Variants in IL36RN observed in about 807,000 individuals in gnomAD.
IL36RN encodes interleukin 36 receptor antagonist, also known as interleukin-36 receptor antagonist protein.
In IL36RN, 11 loss-of-function variants were observed where a neutral mutation model predicts 13.0. The ratio of observed to expected loss-of-function variants is 0.85; its 90% confidence interval spans 0.53 to 1.40. The LOEUF is 1.40. Among genes scored for constraint, IL36RN ranks in the 40% most tolerant of loss-of-function variants. The pLI is 0.00. For synonymous variants in IL36RN, 94 were observed against 84.1 expected (o/e 1.12, Z -0.64); for missense variants, 195 against 195.3 (o/e 1.00, Z 0.01).
chr2:113,059,912 G>A (rs1171057876), intron 2 of IL36RN, among the ~76,000 whole-genome samples: 3 of 152,210 alleles, frequency 2.0e-5, no homozygotes, highest in Admixed American at 2.0e-4. Flanking sequence ...TACCAAGCCA[G>A]ACACTCTGCC....
intron 3 of IL36RN, 25 bp downstream of exon 3, chr2:113,060,962 T>C: frequency 6.4e-7 from 1 of 1,563,302 alleles, no homozygotes; most frequent in Non-Finnish European, 8.8e-7. Flanking sequence ...ATGACCCACT[T>C]TCCTTGGTCT....
rs1249854867 is a variant in IL36RN at position 113,063,031 on chromosome 2, C to G, written c.*354C>G. The stretch of plus-strand genomic sequence containing the variant: ...TGTTACCCTGAGCCCCGCAGGCCAA[C>G]CCATCCCCAGTTGAGCCTTATAGGG... On this transcript the variant is annotated 3_prime_UTR_variant, in exon 5 of 5. Coordinates refer to ENST00000393200, the MANE Select transcript of IL36RN (RefSeq NM_012275.3). 5.4e-6 allele frequency: 2 copies of G among 369,690 alleles called. No individual in the cohort carries two copies. The highest frequency in any genetic ancestry group is 1.4e-4 in the East Asian group (2 of 14,552). The allele number at this position is 369,690 out of a possible 1,614,324, so 22.9% of individuals were successfully genotyped here.
intron 3 of IL36RN, among the ~76,000 whole-genome samples, chr2:113,061,797 G>T (rs1398419323): frequency 6.6e-6 from 1 of 152,046 alleles, no homozygotes; most frequent in East Asian, 1.9e-4. Context: ...TTCCAAAGGG[G>T]GGCTTATCAA....
Position 113,061,288 on chromosome 2 carries a change from A to T in IL36RN, c.115+351A>T, listed in dbSNP as rs537828294. Among the ~76,000 whole-genome samples the T allele has an allele frequency of 3.9e-5, 6 of 152,116 alleles. No individual in the cohort carries two copies. The South Asian group carries it at 1.0e-3, about 26-fold the overall frequency. On this transcript the variant is annotated intron_variant, in intron 3 of 4. Transcript: ENST00000393200. ...GTAGATTCTCTATACCTTTTTTCCC[A>T]TATGGGAGTGGGTTTCTGCCTCTCC...
intron 2 of IL36RN, among the ~76,000 whole-genome samples, chr2:113,060,205 T>A (rs1009664606): frequency 2.6e-5 from 4 of 152,174 alleles, no homozygotes; most frequent in Non-Finnish European, 5.9e-5. Context: ...CGACCCAATT[T>A]TTACACTGCA....
In IL36RN at chr2:113,064,316, C is replaced by T. The variant is rs1394881458; in HGVS notation, c.*1639C>T. 1 of 152,194 alleles carries T rather than the reference C, an allele frequency of 6.6e-6. No homozygotes were observed. The allele number at this position is 152,194 out of a possible 1,614,324, so 9.4% of individuals were successfully genotyped here. A position where few individuals can be genotyped will look rare whatever the true frequency, so the allele number is the denominator to read the frequency against. ...CACCAAGGATAATTGGTTACAGCAG[C>T]TCTAGGAAACTAATACAGCTGCTAA... is the stretch of plus-strand genomic sequence containing the variant. On this transcript the variant is annotated 3_prime_UTR_variant, in exon 5 of 5. Transcript: ENST00000393200.
rs910808463 is a variant in IL36RN, at chr2:113,062,088, G to C, written c.116-36G>C. ...AGGACAGGGGAAGAAGGAGGGAAAG[G>C]CATCCAGGGCCCTGCATCTGGCCTC... On this transcript the variant is annotated intron_variant, in intron 3 of 4. Coordinates refer to ENST00000393200, the MANE Select transcript of IL36RN (RefSeq NM_012275.3). The C allele has an allele frequency of 5.6e-6, 9 of 1,609,922 alleles. 1 individual carries two copies. The South Asian group carries it at 1.0e-4, about 18-fold the overall frequency.
intron 3 of IL36RN, 116 bp downstream of exon 3, chr2:113,061,053 T>C (rs1010497450): frequency 2.7e-5 from 22 of 813,944 alleles, no homozygotes; most frequent in African/African-American, 1.9e-4. Flanking sequence ...AGCCCAGGCA[T>C]TGGGGCAGCA....
intron 3 of IL36RN, 93 bp from the exon 4 acceptor site, chr2:113,062,031 C>T: frequency 1.3e-6 from 2 of 1,534,272 alleles, no homozygotes; most frequent in Non-Finnish European, 1.8e-6. Flanking sequence ...TGGGGGCAGG[C>T]CGTCTTACAG....
At position 113,059,424 on chromosome 2, in the gene IL36RN, C is replaced by A. The variant is rs1478743212; in HGVS notation, c.-15C>A. The A allele has an allele frequency of 2.5e-6, 4 of 1,613,874 alleles. No homozygotes were observed. In the East Asian group the frequency reaches 6.7e-5, roughly 27 times the overall value. ...TATTCCAAAATAGGGGAGTCTACACCCTGTGGAGCTCAAGATGGTCCTGAG... is the reference window on the plus strand; with the variant it reads ...TATTCCAAAATAGGGGAGTCTACACACTGTGGAGCTCAAGATGGTCCTGAG... On this transcript the variant is annotated 5_prime_UTR_variant, in exon 2 of 5. Coordinates refer to ENST00000393200, the MANE Select transcript of IL36RN (RefSeq NM_012275.3).
chr2:113,061,660 GTGTGCATGCATGTATC>G (rs1685642559), intron 3 of IL36RN, among the ~76,000 whole-genome samples: 1 of 152,198 alleles, frequency 6.6e-6, no homozygotes, highest in Non-Finnish European at 1.5e-5. Flanking sequence ...ATATGTATAT[GTGTGCATGCATGTATC>G]TGTGTATGTA....
chr2:113,062,245 A>G lies in IL36RN; in HGVS notation c.237A>G (p.Thr79=). 6.2e-7 allele frequency: 1 copy of G among 1,613,954 alleles called. No individual in the cohort carries two copies. The change falls in exon 4 of 5, where the codon ACA becomes ACG. Residue 79 remains threonine, a synonymous_variant. Coordinates refer to ENST00000393200, the MANE Select transcript of IL36RN (RefSeq NM_012275.3). ...GGGTGGGGCAGGAGCCGACTCTAACACTAGAGGTGAGACTTGGGGCATCCT... is the reference window on the plus strand; with the variant it reads ...GGGTGGGGCAGGAGCCGACTCTAACGCTAGAGGTGAGACTTGGGGCATCCT... ...SCGVGQEPTL[T]LEPVNIMELY...
chr2:113,062,341 A>C (rs1685659239), intron 4 of IL36RN, 90 bp downstream of exon 4: 1 of 1,604,648 alleles, frequency 6.2e-7, no homozygotes, highest in Non-Finnish European at 8.5e-7. Flanking sequence ...GCTGTGGGAC[A>C]CCCTAGCAGG....
Position 113,062,111 on chromosome 2 carries a change from C to T in IL36RN, c.116-13C>T. On this transcript the variant is annotated splice_polypyrimidine_tract_variant and intron_variant, in intron 3 of 4. Coordinates refer to ENST00000393200, the MANE Select transcript of IL36RN (RefSeq NM_012275.3). ...AGGCATCCAGGGCCCTGCATCTGGC[C>T]TCTTTCCCACAGGTGAAGAGATCAG... 1.2e-6 allele frequency: 2 copies of T among 1,613,760 alleles called. No individual in the cohort carries two copies. Among genetic ancestry groups the T allele is most frequent in the East Asian group, 2.2e-5 (1 of 44,870 alleles).
At position 113,063,706 on chromosome 2, in the gene IL36RN, G is replaced by A. The variant is rs1685690549; in HGVS notation, c.*1029G>A. On this transcript the variant is annotated 3_prime_UTR_variant, in exon 5 of 5. Transcript: ENST00000393200. ...TCGAGCTCTGCTGCTCTGGTTGGTT[G>A]TAGTAGTGATCAGGAAACAGATCTC... 1 of 152,208 alleles carries A rather than the reference G, an allele frequency of 6.6e-6. No homozygotes were observed. The highest frequency in any genetic ancestry group is 2.4e-5 in the African/African-American group (1 of 41,448). 9.4% of individuals were successfully genotyped at this position (152,208 alleles called of 1,614,324 possible).
At chr2:113,059,775 T>C (rs533296405) in intron 2 of IL36RN, among the ~76,000 whole-genome samples, 40 of 152,160 alleles carry the variant, frequency 2.6e-4, no homozygotes, top group South Asian at 8.3e-4. Flanking sequence ...AGCTCCGCCA[T>C]TGTCCCCCAT....
At position 113,059,200 on chromosome 2, in the gene IL36RN, G is replaced by A. The variant is rs1292428585; in HGVS notation, c.-69G>A. 4.2e-5 allele frequency: 25 copies of A among 588,768 alleles called. No individual in the cohort carries two copies. Among genetic ancestry groups the A allele is most frequent in the Non-Finnish European group, 7.7e-5 (25 of 326,198 alleles). The allele number at this position is 588,768 out of a possible 1,614,324, so 36.5% of individuals were successfully genotyped here. On this transcript the variant is annotated 5_prime_UTR_variant, in exon 1 of 5. Coordinates refer to ENST00000393200, the MANE Select transcript of IL36RN (RefSeq NM_012275.3). ...GGCTGAGGCATCCTTGGAGGAACAGGCAGACTCCACAGCTCCCGCCAGGAG... is the reference window on the plus strand; with the variant it reads ...GGCTGAGGCATCCTTGGAGGAACAGACAGACTCCACAGCTCCCGCCAGGAG...
intron 2 of IL36RN, among the ~76,000 whole-genome samples, chr2:113,060,131 CAT>C (rs1466677590): frequency 1.2e-5 from 1 of 80,428 alleles, no homozygotes; most frequent in Non-Finnish European, 2.3e-5. Context: ...CCCAGCTCAG[CAT>C]ATGAGTGACT....
Position 113,061,415 on chromosome 2 carries a change from C to G in IL36RN, c.115+478C>G, listed in dbSNP as rs72946719. 6.8e-3 allele frequency among the ~76,000 whole-genome samples: 1,039 copies of G among 152,278 alleles called. 13 individuals are homozygous for G. Among genetic ancestry groups the G allele is most frequent in the African/African-American group, 0.024 (996 of 41,542 alleles). ...GGACCTCCTGCTTGCTCACTCTGCC[C>G]CATGCACTGCAACACGTCCCTCTCT... On this transcript the variant is annotated intron_variant, in intron 3 of 4. Coordinates refer to ENST00000393200, the MANE Select transcript of IL36RN (RefSeq NM_012275.3).
Sources: gnomAD v4.1 joint callset for allele counts (sites outside exome capture counted in the v4.1 genomes callset) on GRCh38, gnomAD v4.1.1 for gene constraint, MANE v1.5 for transcripts, NCBI Gene and HGNC (gene_info 2026-07-23, HGNC 2026-07-21) for gene names.